The following PRPF6 variants were observed in gnomAD, a reference collection of about 807,000 sequenced individuals.
PRPF6 encodes pre-mRNA processing factor 6.
In PRPF6, 42 loss-of-function variants were observed where a neutral mutation model predicts 118.3. The ratio of observed to expected loss-of-function variants is 0.35; its 90% CI spans 0.28 to 0.46. PRPF6 has a LOEUF of 0.46. PRPF6 is among the 20% of genes least tolerant of loss of function. PRPF6 has a pLI of 1.00. For missense variants in PRPF6, 662 were observed against 1,255.7 expected (o/e 0.53, Z 7.15); for synonymous variants, 481 against 485.1 (o/e 0.99, Z 0.11).
At chr20:63,993,373 A>G (rs1032695776) in intron 3 of PRPF6, 34 bp from the exon 4 acceptor site, 5 of 1,522,668 alleles carry the variant, frequency 3.3e-6, no homozygotes, top group Non-Finnish European at 4.6e-6. Context: ...ACAGACATGC[A>G]GTGTTTCTGA....
At chr20:64,004,175 T>A (rs2059179892) in intron 9 of PRPF6, among the ~76,000 whole-genome samples, 1 of 151,772 alleles carries the variant, frequency 6.6e-6, no homozygotes, top group Non-Finnish European at 1.5e-5. Flanking sequence ...GAGATGGGAG[T>A]ATGCTGTTGG....
intron 12 of PRPF6, among the ~76,000 whole-genome samples, chr20:64,017,857 T>C (rs2059246210): frequency 6.6e-6 from 1 of 152,242 alleles, no homozygotes; most frequent in African/African-American, 2.4e-5. Context: ...GTTATCAAAA[T>C]CAGGACATTG....
intron 13 of PRPF6, 94 bp downstream of exon 13, chr20:64,022,972 C>T (rs2059273253): frequency 6.3e-7 from 1 of 1,585,592 alleles, no homozygotes. Flanking sequence ...TCTGCTCATC[C>T]AGTCTTGTGC....
In PRPF6 at chr20:63,983,125, C is replaced by G. The variant is rs2059078511; in HGVS notation, c.150C>G (p.Pro50=). ...ANDPVDDRHA[P]PGKRTVGDQM... Reference sequence around the variant, plus strand: ...ACCCTGTGGATGATCGCCATGCACCCCCAGGCAAGAGAACCGTTGGGGACC... The same window carrying G: ...ACCCTGTGGATGATCGCCATGCACCGCCAGGCAAGAGAACCGTTGGGGACC... The change falls in exon 2 of 21, where the codon CCC becomes CCG. Residue 50 remains proline, a synonymous_variant. Transcript: ENST00000266079. The G allele has an allele frequency of 1.9e-6, 3 of 1,614,024 alleles. No individual in the cohort carries two copies. Among genetic ancestry groups the G allele is most frequent in the Admixed American group, 1.7e-5 (1 of 59,994 alleles).
chr20:64,009,890 T>C (rs1203346204), intron 9 of PRPF6, among the ~76,000 whole-genome samples: 5 of 152,232 alleles, frequency 3.3e-5, no homozygotes, highest in Non-Finnish European at 5.9e-5. Flanking sequence ...ATAAACTGTT[T>C]TGGGACTGGT....
chr20:64,008,601 G>A (rs1224699726), intron 9 of PRPF6, among the ~76,000 whole-genome samples: 4 of 150,468 alleles, frequency 2.7e-5, no homozygotes, highest in Admixed American at 6.6e-5. Context: ...ATTAGGGTGT[G>A]CAAAACGGTG....
intron 9 of PRPF6, among the ~76,000 whole-genome samples, chr20:64,002,828 G>A (rs2059173920): frequency 6.6e-6 from 1 of 151,458 alleles, no homozygotes; most frequent in Non-Finnish European, 1.5e-5. Context: ...ATTTTTAGTA[G>A]AGACGGGGTT....
rs191663393 is a variant in PRPF6, at chr20:63,990,000, C to T, written c.360-3407C>T. Among the ~76,000 whole-genome samples the T allele has an allele frequency of 3.1e-3, 476 of 151,904 alleles. 3 individuals are homozygous for T. The highest frequency in any genetic ancestry group is 6.8e-3 in the Middle Eastern group (2 of 292). On this transcript the variant is annotated intron_variant, in intron 3 of 20. Coordinates refer to ENST00000266079, the MANE Select transcript of PRPF6 (RefSeq NM_012469.4). ...TCCCAAGTAGCCGGGATTATAGGCA[C>T]GCGCCACCACACCTGGCTAATTTTT...
At position 64,024,381 on chromosome 20, in the gene PRPF6, A is replaced by G. The variant is rs113540275; in HGVS notation, c.1770-174A>G. Among the ~76,000 whole-genome samples, 684 of 152,306 alleles carry G rather than the reference A, an allele frequency of 4.5e-3. 6 individuals are homozygous for G. Among genetic ancestry groups the G allele is most frequent in the African/African-American group, 0.016 (657 of 41,570 alleles). On this transcript the variant is annotated intron_variant, in intron 13 of 20. Transcript: ENST00000266079. ...TTCAGTAGTTGATTTTAGAACCTTT[A>G]TGGAGAGGAAAGATTTCCCCACACT...
At chr20:64,005,163 C>T (rs138487050) in intron 9 of PRPF6, among the ~76,000 whole-genome samples, 30 of 152,218 alleles carry the variant, frequency 2.0e-4, no homozygotes, top group East Asian at 1.9e-3. Context: ...ATGTGGCTTC[C>T]GAAAGCACCT....
At chr20:63,985,570 GATT>G (rs1471285554) in intron 3 of PRPF6, among the ~76,000 whole-genome samples, 2 of 152,130 alleles carry the variant, frequency 1.3e-5, no homozygotes, top group Non-Finnish European at 2.9e-5. Context: ...GAATTTTGTG[GATT>G]ACTTTTACGA....
At chr20:64,001,957 C>T (rs144452284) in intron 9 of PRPF6, among the ~76,000 whole-genome samples, 3 of 147,638 alleles carry the variant, frequency 2.0e-5, no homozygotes, top group Non-Finnish European at 4.4e-5. Context: ...GGGGGCTGTT[C>T]TGAAGCTAAT....
chr20:64,013,399 A>C (rs1233562784), intron 11 of PRPF6, among the ~76,000 whole-genome samples: 1 of 152,132 alleles, frequency 6.6e-6, no homozygotes, highest in African/African-American at 2.4e-5. Flanking sequence ...GTTATATTTT[A>C]TGACAGTTTG....
chr20:64,027,761 G>T lies in PRPF6; in HGVS notation c.2339+25G>T, dbSNP rs531719511. The stretch of plus-strand genomic sequence containing the variant: ...GGTGAGTCCTGGAGGGGGCAGCCTG[G>T]CCTCTGGGCACAGCTTCCCCATCAG... On this transcript the variant is annotated intron_variant, in intron 17 of 20. Coordinates refer to ENST00000266079, the MANE Select transcript of PRPF6 (RefSeq NM_012469.4). The surrounding 1 kb of genome is among the most constrained non-coding windows in gnomAD (Gnocchi z 6.5). The T allele has an allele frequency of 1.1e-4, 176 of 1,613,176 alleles. 2 individuals carry two copies. The East Asian group carries it at 3.4e-3, about 31-fold the overall frequency.
chr20:63,993,567 G>A lies in PRPF6; in HGVS notation c.438+82G>A. ...CAGAGACTCAGACTGCTCTTACGTGGAATTTATGAGACTTTACGTTTTTAA... is the reference window on the plus strand; with the variant it reads ...CAGAGACTCAGACTGCTCTTACGTGAAATTTATGAGACTTTACGTTTTTAA... On this transcript the variant is annotated intron_variant, in intron 4 of 20. Transcript: ENST00000266079. The A allele has an allele frequency of 2.0e-5, 23 of 1,143,622 alleles. No individual in the cohort carries two copies. The South Asian group carries it at 2.9e-4, about 14-fold the overall frequency. The allele number at this position is 1,143,622 out of a possible 1,614,324, so 70.8% of individuals were successfully genotyped here.
intron 20 of PRPF6, 107 bp from the exon 21 acceptor site, chr20:64,032,734 G>T: frequency 7.0e-7 from 1 of 1,422,512 alleles, no homozygotes; most frequent in Non-Finnish European, 9.6e-7. Flanking sequence ...CGCCAGTTGG[G>T]GTTGGTGCTG....
chr20:64,008,867 T>C (rs1601522511), intron 9 of PRPF6, among the ~76,000 whole-genome samples: 1 of 152,216 alleles, frequency 6.6e-6, no homozygotes, highest in Admixed American at 6.5e-5. Context: ...TTGCAGGTAA[T>C]ATTCTTAATA....
intron 9 of PRPF6, among the ~76,000 whole-genome samples, chr20:64,006,175 A>G (rs544704789): frequency 6.6e-6 from 1 of 152,164 alleles, no homozygotes; most frequent in African/African-American, 2.4e-5. Context: ...AGTCTCCCAC[A>G]GTGGGTGGCA....
At chr20:63,992,861 G>T (rs771382375) in intron 3 of PRPF6, among the ~76,000 whole-genome samples, 25 of 151,922 alleles carry the variant, frequency 1.6e-4, no homozygotes, top group Non-Finnish European at 2.5e-4. Context: ...CTCCCAAGTA[G>T]CTGTGATTAC....
Sources: gnomAD v4.1 joint callset for allele counts (sites outside exome capture counted in the v4.1 genomes callset) on GRCh38, gnomAD v4.1.1 for gene constraint, Gnocchi (gnomAD v3.1) non-coding constraint, MANE v1.5 for transcripts, NCBI Gene and HGNC (gene_info 2026-07-23, HGNC 2026-07-21) for gene names.